The following LINGO2 variants were observed in gnomAD, a reference collection of about 807,000 sequenced individuals.
LINGO2 encodes leucine rich repeat and Ig domain containing 2.
Under a neutral mutation model 30.6 loss-of-function variants are expected in LINGO2, and 14 were observed. That is an observed-to-expected ratio of 0.46 (90% CI 0.30 to 0.72). The LOEUF (loss-of-function observed/expected upper bound fraction) is 0.72, where lower values mean the gene tolerates loss of function less well. Ranked by LOEUF, LINGO2 falls within the 30% of genes least tolerant of loss-of-function variation. LINGO2 has a pLI of 0.07. For missense variants in LINGO2, 729 were observed against 751.7 expected (o/e 0.97, Z 0.35); for synonymous variants, 317 against 288.5 (o/e 1.10, Z -1.00).
chr9:28,729,283 A>C, the LINGO2 span, among the ~76,000 whole-genome samples: 1 of 152,186 alleles, frequency 6.6e-6, no homozygotes, highest in Admixed American at 6.5e-5. Flanking sequence ...TCAACAGTGC[A>C]GCTCAAAGTT....
At chr9:28,990,735 C>T in the LINGO2 span, among the ~76,000 whole-genome samples, 3 of 134,980 alleles carry the variant, frequency 2.2e-5, no homozygotes, top group East Asian at 6.6e-4. Flanking sequence ...CTGCTGATAC[C>T]CAGGCTAACA....
the LINGO2 span, among the ~76,000 whole-genome samples, chr9:29,098,065 T>G: frequency 6.6e-6 from 1 of 152,170 alleles, no homozygotes; most frequent in Non-Finnish European, 1.5e-5. Flanking sequence ...CATAATAGGT[T>G]ATAACTGATG....
At chr9:28,101,005 G>A (rs1033100798) in intron 4 of LINGO2, among the ~76,000 whole-genome samples, 6 of 152,020 alleles carry the variant, frequency 3.9e-5, no homozygotes, top group Admixed American at 1.3e-4. Flanking sequence ...GAAGCTGAGT[G>A]AGCAACTGCT....
chr9:28,079,137 T>C (rs1229810377), intron 4 of LINGO2, among the ~76,000 whole-genome samples: 1 of 135,504 alleles, frequency 7.4e-6, no homozygotes, highest in African/African-American at 3.8e-5. Flanking sequence ...GAAATACTAC[T>C]ATTAGGCTTT....
intron 1 of LINGO2, among the ~76,000 whole-genome samples, chr9:28,509,639 G>C (rs890313709): frequency 6.6e-6 from 1 of 152,134 alleles, no homozygotes; most frequent in African/African-American, 2.4e-5. Flanking sequence ...GAGGTCATAA[G>C]GGTGGGACCT....
At chr9:28,720,388 A>G in the LINGO2 span, among the ~76,000 whole-genome samples, 1 of 151,932 alleles carries the variant, frequency 6.6e-6, no homozygotes, top group Non-Finnish European at 1.5e-5. Context: ...CCTTTCTGTA[A>G]AGCTTTTCTA....
At chr9:28,728,102 G>T in the LINGO2 span, among the ~76,000 whole-genome samples, 133 of 152,234 alleles carry the variant, frequency 8.7e-4, 1 homozygote, top group Middle Eastern at 0.014. Context: ...AGAGAACTGG[G>T]ATTGAGGTCC....
intron 1 of LINGO2, among the ~76,000 whole-genome samples, chr9:28,604,615 G>C (rs10968667): frequency 1.3e-5 from 2 of 151,754 alleles, no homozygotes; most frequent in Non-Finnish European, 2.9e-5. Flanking sequence ...AGAGGCAAAT[G>C]ATTTTATCTG....
chr9:29,023,035 C>G, the LINGO2 span, among the ~76,000 whole-genome samples: 1 of 151,514 alleles, frequency 6.6e-6, no homozygotes, highest in African/African-American at 2.4e-5. Context: ...GTAATTAACA[C>G]CATGCTGCCT....
At chr9:28,054,854 C>G (rs1000444841) in intron 4 of LINGO2, among the ~76,000 whole-genome samples, 3 of 152,004 alleles carry the variant, frequency 2.0e-5, no homozygotes, top group African/African-American at 7.2e-5. Context: ...GTTGTTATGC[C>G]TTATTTTAGA....
At chr9:28,164,063 A>G (rs568913138) in intron 4 of LINGO2, among the ~76,000 whole-genome samples, 2 of 152,312 alleles carry the variant, frequency 1.3e-5, no homozygotes, top group East Asian at 3.9e-4. Context: ...TAAATATTGG[A>G]AACTATTTTT....
chr9:29,045,141 G>A, the LINGO2 span, among the ~76,000 whole-genome samples: 1 of 152,100 alleles, frequency 6.6e-6, no homozygotes, highest in African/African-American at 2.4e-5. Flanking sequence ...ACTGGACAAA[G>A]AGATGATTCA....
chr9:27,989,443 CTCTGTGTGTGTGTG>C (rs1821282613), intron 5 of LINGO2, among the ~76,000 whole-genome samples: 1 of 125,738 alleles, frequency 8.0e-6, no homozygotes, highest in Non-Finnish European at 1.7e-5. Flanking sequence ...AGTGAATGCT[CTCTGTGTGTGTGTG>C]TGTGTGTGTG....
At chr9:28,768,156 T>A in the LINGO2 span, among the ~76,000 whole-genome samples, 3 of 152,226 alleles carry the variant, frequency 2.0e-5, no homozygotes, top group Admixed American at 1.3e-4. Flanking sequence ...TACAGGAATA[T>A]GGGAAAGCAA....
chr9:28,471,499 C>T (rs1587718401), intron 2 of LINGO2, among the ~76,000 whole-genome samples: 1 of 152,106 alleles, frequency 6.6e-6, no homozygotes, highest in Non-Finnish European at 1.5e-5. Context: ...ATCCCACCTC[C>T]CAACACTGCT....
intron 5 of LINGO2, among the ~76,000 whole-genome samples, chr9:27,999,435 T>TGAGAGAGAGAGA (rs1156717819): frequency 7.2e-4 from 74 of 103,006 alleles, no homozygotes; most frequent in African/African-American, 2.8e-3. Flanking sequence ...TGCCTAATCT[T>TGAGAGAGAGAGA]CAGAGAGAGA....
chr9:28,095,020 C>A (rs1826204492), intron 4 of LINGO2, among the ~76,000 whole-genome samples: 1 of 151,978 alleles, frequency 6.6e-6, no homozygotes, highest in Non-Finnish European at 1.5e-5. Flanking sequence ...AATTTAGTAA[C>A]CATCTAATTA....
the LINGO2 span, among the ~76,000 whole-genome samples, chr9:28,936,812 A>G: frequency 2.6e-5 from 4 of 152,228 alleles, no homozygotes; most frequent in African/African-American, 4.8e-5. Context: ...GTATAACGAT[A>G]TATCACAGAC....
At chr9:28,133,412 A>G (rs1410515579) in intron 4 of LINGO2, among the ~76,000 whole-genome samples, 1 of 152,190 alleles carries the variant, frequency 6.6e-6, no homozygotes, top group Non-Finnish European at 1.5e-5. Flanking sequence ...TTAGACATTC[A>G]TGTAGAGCTG....
Sources: allele counts gnomAD v4.1 joint callset (sites outside exome capture counted in the v4.1 genomes callset), GRCh38; gene constraint gnomAD v4.1.1; transcripts MANE v1.5; gene names NCBI Gene and HGNC (gene_info 2026-07-23, HGNC 2026-07-21).